The following LRRTM4 variants were observed in gnomAD, a reference collection of about 807,000 sequenced individuals.
The protein encoded by LRRTM4 is leucine-rich repeat transmembrane neuronal protein 4.
In LRRTM4, 25 loss-of-function variants were observed where a neutral mutation model predicts 47.6. The observed-to-expected ratio is 0.53, with a 90% confidence interval of 0.38 to 0.73. The LOEUF is 0.73. Among genes scored for constraint, LRRTM4 ranks in the 30% least tolerant of loss-of-function variants. The pLI, the probability that LRRTM4 is intolerant of heterozygous loss-of-function variation, is 0.00. For missense variants in LRRTM4, 638 were observed against 713.4 expected, an observed-to-expected ratio of 0.89 and a Z score of 1.20; for synonymous variants, 311 against 269.5, an observed-to-expected ratio of 1.15 and a Z score of -1.51.
At chr2:76,770,383 T>C (rs1220887019) in intron 3 of LRRTM4, among the ~76,000 whole-genome samples, 1 of 152,166 alleles carries the variant, frequency 6.6e-6, no homozygotes, top group Non-Finnish European at 1.5e-5. Flanking sequence ...TGTGGTGATT[T>C]TTACTTTCCA....
chr2:77,385,949 G>T (rs1478497835), intron 3 of LRRTM4, among the ~76,000 whole-genome samples: 4 of 151,180 alleles, frequency 2.6e-5, no homozygotes, highest in Non-Finnish European at 5.9e-5. Context: ...CAGAGATGGG[G>T]TTTCACCATG....
chr2:76,756,538 T>C (rs1304865994), intron 3 of LRRTM4, among the ~76,000 whole-genome samples: 6 of 152,170 alleles, frequency 3.9e-5, no homozygotes, highest in Non-Finnish European at 7.4e-5. Context: ...TATCATCATA[T>C]TTAAAGAAGG....
intron 3 of LRRTM4, among the ~76,000 whole-genome samples, chr2:77,276,372 G>A (rs1219332508): frequency 2.1e-5 from 3 of 140,896 alleles, no homozygotes; most frequent in South Asian, 4.6e-4. Flanking sequence ...AGAGAAGGAA[G>A]GAAGGAAGGG....
At chr2:76,792,930 G>T (rs776854217) in intron 3 of LRRTM4, among the ~76,000 whole-genome samples, 5 of 152,066 alleles carry the variant, frequency 3.3e-5, no homozygotes, top group Admixed American at 3.3e-4. Flanking sequence ...CTGGGTTTTT[G>T]GTTGTTAGGG....
At chr2:76,774,390 C>T (rs779935956) in intron 3 of LRRTM4, among the ~76,000 whole-genome samples, 1 of 152,062 alleles carries the variant, frequency 6.6e-6, no homozygotes, top group Non-Finnish European at 1.5e-5. Flanking sequence ...AGGGGTTTCA[C>T]CATGTTGGCC....
At chr2:76,876,819 C>T (rs544087400) in intron 3 of LRRTM4, among the ~76,000 whole-genome samples, 15 of 151,756 alleles carry the variant, frequency 9.9e-5, no homozygotes, top group African/African-American at 3.6e-4. Context: ...TTTTATTTTG[C>T]TTAGAAAAAG....
At chr2:77,214,135 T>G (rs1674372523) in intron 3 of LRRTM4, among the ~76,000 whole-genome samples, 1 of 152,180 alleles carries the variant, frequency 6.6e-6, no homozygotes, top group South Asian at 2.1e-4. Context: ...TGCCTTTACT[T>G]GAGAGTACAT....
chr2:77,455,339 C>T (rs544754042), intron 3 of LRRTM4, among the ~76,000 whole-genome samples: 1 of 152,132 alleles, frequency 6.6e-6, no homozygotes, highest in African/African-American at 2.4e-5. Context: ...ATATCTATTT[C>T]AAAATCAAAA....
rs1491289602 is a variant in LRRTM4 at position 77,362,164 on chromosome 2, A to AG, written c.1551+156153dup. 2.2e-3 allele frequency among the ~76,000 whole-genome samples: 335 copies of AG among 151,382 alleles called. 1 individual carries two copies. The highest frequency in any genetic ancestry group is 5.7e-3 in the African/African-American group (233 of 40,874). On this transcript the variant is annotated intron_variant, in intron 3 of 3. Coordinates refer to ENST00000409884, the MANE Select transcript of LRRTM4 (RefSeq NM_001134745.3). ...AAGAAAGAAAGAAAGAAAGAAAGAA[A>AG]GAAAGAAAGGAAGGAAGGAAGAGTT...
intron 3 of LRRTM4, among the ~76,000 whole-genome samples, chr2:77,158,995 T>C (rs375985801): frequency 4.6e-5 from 7 of 152,212 alleles, no homozygotes; most frequent in African/African-American, 1.2e-4. Flanking sequence ...CCCCATAACA[T>C]AGCTTAATAT....
At chr2:77,125,930 G>C (rs1324541452) in intron 3 of LRRTM4, among the ~76,000 whole-genome samples, 1 of 149,574 alleles carries the variant, frequency 6.7e-6, no homozygotes, top group Non-Finnish European at 1.5e-5. Context: ...TATATACTAT[G>C]TATGTGTATA....
chr2:77,021,267 T>G (rs2104104108), intron 3 of LRRTM4, among the ~76,000 whole-genome samples: 1 of 152,198 alleles, frequency 6.6e-6, no homozygotes, highest in African/African-American at 2.4e-5. Flanking sequence ...AGACGAATGC[T>G]AGGAACTTGT....
chr2:77,089,780 G>A (rs1235600111), intron 3 of LRRTM4, among the ~76,000 whole-genome samples: 3 of 152,110 alleles, frequency 2.0e-5, no homozygotes, highest in Non-Finnish European at 4.4e-5. Flanking sequence ...AAACTCGACA[G>A]TAGTTCCAAA....
chr2:77,428,056 C>G (rs887539052), intron 3 of LRRTM4, among the ~76,000 whole-genome samples: 2 of 152,192 alleles, frequency 1.3e-5, no homozygotes, highest in African/African-American at 4.8e-5. Flanking sequence ...CTCACAAGAT[C>G]TGATGGTTTT....
At chr2:76,853,305 T>A (rs1056873033) in intron 3 of LRRTM4, among the ~76,000 whole-genome samples, 9 of 152,138 alleles carry the variant, frequency 5.9e-5, no homozygotes, top group African/African-American at 2.2e-4. Context: ...CAGAACTCAA[T>A]TGAATTGAAA....
intron 3 of LRRTM4, among the ~76,000 whole-genome samples, chr2:77,168,025 G>A (rs895901659): frequency 5.3e-5 from 8 of 152,126 alleles, no homozygotes; most frequent in African/African-American, 1.9e-4. Context: ...TTTCCGCTCC[G>A]ACTGAATTTA....
chr2:77,020,797 A>G (rs1483713232), intron 3 of LRRTM4, among the ~76,000 whole-genome samples: 1 of 152,198 alleles, frequency 6.6e-6, no homozygotes, highest in African/African-American at 2.4e-5. Context: ...GTCAACAACA[A>G]CGAAGATGCT....
chr2:77,047,342 A>G (rs1679268025), intron 3 of LRRTM4, among the ~76,000 whole-genome samples: 1 of 152,130 alleles, frequency 6.6e-6, no homozygotes, highest in South Asian at 2.1e-4. Flanking sequence ...AAAGTGCAAT[A>G]TATTAGTTTG....
intron 3 of LRRTM4, among the ~76,000 whole-genome samples, chr2:76,781,334 G>A (rs1307101823): frequency 1.3e-5 from 2 of 150,918 alleles, no homozygotes; most frequent in Non-Finnish European, 2.9e-5. Context: ...GTTCAATGGC[G>A]GGCACCCCTC....
Sources: allele counts gnomAD v4.1 joint callset (sites outside exome capture counted in the v4.1 genomes callset), GRCh38; gene constraint gnomAD v4.1.1; transcripts MANE v1.5; gene names NCBI Gene and HGNC (gene_info 2026-07-23, HGNC 2026-07-21).